Variants in FGF1 observed in about 807,000 individuals in gnomAD.
FGF1 encodes the protein fibroblast growth factor 1.
FGF1 carries 9 observed loss-of-function variants against 13.4 expected under a neutral mutation model. The observed-to-expected ratio is 0.67, with a 90% confidence interval of 0.40 to 1.17. FGF1 has a LOEUF of 1.17. Ranked by LOEUF, FGF1 falls within the 50% of genes most tolerant of loss-of-function variation. FGF1 has a pLI of 0.01. For synonymous variants in FGF1, 93 were observed against 79.0 expected (o/e 1.18, Z -0.94); for missense variants, 156 against 192.7 (o/e 0.81, Z 1.13).
chr5:142,621,127 T>C (rs1323213318), intron 1 of FGF1, among the ~76,000 whole-genome samples: 1 of 152,138 alleles, frequency 6.6e-6, no homozygotes, highest in African/African-American at 2.4e-5. Flanking sequence ...AACTCATCAC[T>C]CCCCTGCTGT....
intron 1 of FGF1, among the ~76,000 whole-genome samples, chr5:142,682,319 G>A (rs1028797915): frequency 6.6e-6 from 1 of 152,092 alleles, no homozygotes; most frequent in Admixed American, 6.6e-5. Context: ...CCTGACCTCA[G>A]GTGATCCACC....
At chr5:142,680,624 C>CATAG (rs1310828970) in intron 1 of FGF1, 1 of 152,142 alleles carries the variant, frequency 6.6e-6, no homozygotes, top group East Asian at 1.9e-4. Context: ...CTAGCCCAAG[C>CATAG]ATAGGGCTTC....
At position 142,661,861 on chromosome 5, in the gene FGF1, G is replaced by A. The variant is rs189949953; in HGVS notation, c.-35+24096C>T. ...TACTAAAAATACAAAAAATTAGCAG[G>A]GCATGGTGGCGGTTGCCTGTAGTCT... On this transcript the variant is annotated intron_variant, in intron 1 of 3. Coordinates refer to ENST00000337706, the MANE Select transcript of FGF1 (RefSeq NM_000800.5). Among the ~76,000 whole-genome samples the A allele has an allele frequency of 5.9e-3, 891 of 152,156 alleles. 11 individuals carry two copies. Among genetic ancestry groups the A allele is most frequent in the Non-Finnish European group, 6.2e-3 (425 of 68,002 alleles).
chr5:142,615,411 A>G (rs920569663), intron 1 of FGF1, among the ~76,000 whole-genome samples: 5 of 152,246 alleles, frequency 3.3e-5, no homozygotes, highest in Admixed American at 2.0e-4. Flanking sequence ...TTTAGTAGAG[A>G]TGGGGTTTCA....
Position 142,595,355 on chromosome 5 carries a change from C to G in FGF1, c.403G>C (p.Gly135Arg). Reference sequence around the variant, plus strand: ...TTCTGGCCATAGTGAGTCCGAGGACCGCGTTTGCAGCTCCCATTCTTCTTG... The same window carrying G: ...TTCTGGCCATAGTGAGTCCGAGGACGGCGTTTGCAGCTCCCATTCTTCTTG... ...GLKKNGSCKR[G>R]PRTHYGQKAI... Residue 135 changes from glycine (G) to arginine (R), a missense_variant, in exon 4 of 4, where the codon GGT (glycine) becomes CGT (arginine). Physicochemically the swap from Gly to Arg is moderately radical, Grantham distance 125. Coordinates refer to ENST00000337706, the MANE Select transcript of FGF1 (RefSeq NM_000800.5). The G allele has an allele frequency of 6.2e-7, 1 of 1,614,008 alleles. No homozygotes were observed. Among genetic ancestry groups the G allele is most frequent in the Non-Finnish European group, 8.5e-7 (1 of 1,179,940 alleles).
chr5:142,667,238 C>T (rs1181244645), intron 1 of FGF1, among the ~76,000 whole-genome samples: 1 of 151,722 alleles, frequency 6.6e-6, no homozygotes, highest in Non-Finnish European at 1.5e-5. Flanking sequence ...GAGCTGAGAT[C>T]ATGCCACTGT....
At chr5:142,663,256 A>AG (rs1185128247) in intron 1 of FGF1, among the ~76,000 whole-genome samples, 1 of 151,920 alleles carries the variant, frequency 6.6e-6, no homozygotes, top group African/African-American at 2.4e-5. Flanking sequence ...AAAGAAAAAA[A>AG]AAAAAAAGAA....
chr5:142,604,564 C>G (rs566458293), intron 2 of FGF1, among the ~76,000 whole-genome samples: 10 of 152,118 alleles, frequency 6.6e-5, no homozygotes, highest in Non-Finnish European at 1.3e-4. Context: ...GCCTCTGTTT[C>G]CTTATCTATA....
At chr5:142,675,962 T>C (rs1023635319) in intron 1 of FGF1, among the ~76,000 whole-genome samples, 2 of 152,192 alleles carry the variant, frequency 1.3e-5, no homozygotes, top group African/African-American at 4.8e-5. Context: ...CAACTCTTCT[T>C]TAATCATTTT....
chr5:142,615,226 T>A (rs1354851410), intron 1 of FGF1, among the ~76,000 whole-genome samples: 4 of 152,116 alleles, frequency 2.6e-5, no homozygotes, highest in Non-Finnish European at 5.9e-5. Context: ...ACTGCACTTT[T>A]TTTTTTTTCT....
rs1461133112 is a variant in FGF1, at chr5:142,593,682, G to A, written c.*1608C>T. The A allele has an allele frequency of 6.6e-6, 1 of 152,600 alleles. No homozygotes were observed. The highest frequency in any genetic ancestry group is 2.4e-5 in the African/African-American group (1 of 41,464). 9.5% of individuals were successfully genotyped at this position (152,600 alleles called of 1,614,324 possible). ...TTATAGGTAAATAAGTATCAGATAA[G>A]TGAGTAGCTTATACATTGTATCCTA... On this transcript the variant is annotated 3_prime_UTR_variant, in exon 4 of 4. Coordinates refer to ENST00000337706, the MANE Select transcript of FGF1 (RefSeq NM_000800.5).
intron 1 of FGF1, among the ~76,000 whole-genome samples, chr5:142,617,278 T>C (rs1224471314): frequency 6.6e-6 from 1 of 151,986 alleles, no homozygotes; most frequent in Non-Finnish European, 1.5e-5. Flanking sequence ...GGCAGGAGAA[T>C]GGCATGAACC....
At chr5:142,604,611 GC>G (rs1388751239) in intron 2 of FGF1, among the ~76,000 whole-genome samples, 1 of 152,128 alleles carries the variant, frequency 6.6e-6, no homozygotes, top group Non-Finnish European at 1.5e-5. Context: ...ATGGAAAGTG[GC>G]CAGTACTCGT....
At chr5:142,695,464 C>T (rs1027752432) in intron 2 of FGF1, among the ~76,000 whole-genome samples, 5 of 151,854 alleles carry the variant, frequency 3.3e-5, no homozygotes, top group Non-Finnish European at 7.4e-5. Context: ...TGCCTGTAAT[C>T]CCAGCTACTT....
chr5:142,592,254 AC>A lies in FGF1; in HGVS notation c.*3035del. On this transcript the variant is annotated 3_prime_UTR_variant, in exon 4 of 4. Coordinates refer to ENST00000337706, the MANE Select transcript of FGF1 (RefSeq NM_000800.5). ...CACAAAAAGACAGTGATGTGAAATA[AC>A]AGGCATCTTCATCAGAGGTCTGCTT... is the stretch of plus-strand genomic sequence containing the variant. 2.5e-6 allele frequency: 1 copy of A among 398,168 alleles called. No homozygotes were observed. Among genetic ancestry groups the A allele is most frequent in the Admixed American group, 4.4e-5 (1 of 22,724 alleles). The allele number at this position is 398,168 out of a possible 1,614,324, so 24.7% of individuals were successfully genotyped here. A position where few individuals can be genotyped will look rare whatever the true frequency, so the allele number is the denominator to read the frequency against.
chr5:142,671,185 G>A, intron 1 of FGF1, among the ~76,000 whole-genome samples: 1 of 152,200 alleles, frequency 6.6e-6, no homozygotes, highest in East Asian at 1.9e-4. Context: ...CTTGCTGTTT[G>A]TAAGGAAAAC....
intron 1 of FGF1, among the ~76,000 whole-genome samples, chr5:142,623,637 CAGT>C (rs1204710067): frequency 6.6e-6 from 1 of 152,156 alleles, no homozygotes; most frequent in African/African-American, 2.4e-5. Flanking sequence ...GCATGAGCCA[CAGT>C]GCCTGGCCCC....
chr5:142,655,696 G>T (rs772512640), intron 1 of FGF1, among the ~76,000 whole-genome samples: 2 of 152,204 alleles, frequency 1.3e-5, no homozygotes. Flanking sequence ...TGAAAATATT[G>T]CACAAATATT....
chr5:142,626,559 T>C (rs1019467171), intron 1 of FGF1, among the ~76,000 whole-genome samples: 12 of 152,206 alleles, frequency 7.9e-5, no homozygotes, highest in African/African-American at 2.9e-4. Flanking sequence ...TTCTCTATTC[T>C]TTTTACTCTA....
Sources: gnomAD v4.1 joint callset for allele counts (sites outside exome capture counted in the v4.1 genomes callset) on GRCh38, gnomAD v4.1.1 for gene constraint, MANE v1.5 for transcripts, NCBI Gene and HGNC (gene_info 2026-07-23, HGNC 2026-07-21) for gene names.